Variants in PDE4D observed in about 807,000 individuals in gnomAD.
PDE4D encodes phosphodiesterase 4D.
In PDE4D, 24 loss-of-function variants were observed where a neutral mutation model predicts 87.4. The ratio of observed to expected loss-of-function variants is 0.27; its 90% CI spans 0.20 to 0.39. PDE4D has a LOEUF of 0.39. Among genes scored for constraint, PDE4D ranks in the 10% least tolerant of loss-of-function variants. The probability of loss-of-function intolerance (pLI) is 1.00; values close to 1 mark genes in which losing one functional copy is unlikely to be tolerated. For synonymous variants in PDE4D, 384 were observed against 383.2 expected (o/e 1.00, Z -0.02); for missense variants, 714 against 1,041.0 (o/e 0.69, Z 4.32).
At chr5:60,045,488 G>A (rs1245165990) in intron 2 of PDE4D, among the ~76,000 whole-genome samples, 1 of 152,106 alleles carries the variant, frequency 6.6e-6, no homozygotes, top group African/African-American at 2.4e-5. Flanking sequence ...GGGTTTTTAT[G>A]GTTTTAGGTC....
At chr5:58,993,108 T>G (rs1003925030) in intron 7 of PDE4D, among the ~76,000 whole-genome samples, 1 of 152,108 alleles carries the variant, frequency 6.6e-6, no homozygotes, top group Admixed American at 6.6e-5. Context: ...ATTTTACAGT[T>G]TGGTACTATG....
chr5:59,914,138 T>C (rs866026996), intron 3 of PDE4D, among the ~76,000 whole-genome samples: 1 of 152,156 alleles, frequency 6.6e-6, no homozygotes, highest in African/African-American at 2.4e-5. Flanking sequence ...TTAATACATA[T>C]GAATAACTAC....
chr5:59,963,862 T>C (rs1280495037), intron 3 of PDE4D, among the ~76,000 whole-genome samples: 2 of 152,164 alleles, frequency 1.3e-5, no homozygotes, highest in Non-Finnish European at 2.9e-5. Flanking sequence ...CCTCCTAGAC[T>C]GATGAAGGGA....
chr5:59,134,779 T>C (rs1776794312), intron 5 of PDE4D, among the ~76,000 whole-genome samples: 1 of 152,186 alleles, frequency 6.6e-6, no homozygotes, highest in Non-Finnish European at 1.5e-5. Flanking sequence ...GTGAGGGTGG[T>C]CTTCAACACC....
At chr5:60,250,961 C>A (rs892006896) in intron 1 of PDE4D, among the ~76,000 whole-genome samples, 22 of 151,852 alleles carry the variant, frequency 1.4e-4, no homozygotes, top group African/African-American at 5.3e-4. Flanking sequence ...ATTGTTGATA[C>A]TGACTCTATG....
At chr5:59,149,706 G>GTTTT (rs76421367) in intron 5 of PDE4D, among the ~76,000 whole-genome samples, 1,370 of 69,238 alleles carry the variant, frequency 0.02, 214 homozygotes, top group African/African-American at 0.054. Context: ...CTCTCCTCGA[G>GTTTT]TTTTTTTTTT....
At position 60,335,955 on chromosome 5, in the gene PDE4D, T is replaced by C. The variant is rs1583455516; in HGVS notation, c.-89-150268A>G. Among the ~76,000 whole-genome samples, 4 of 152,228 alleles carry C rather than the reference T, an allele frequency of 2.6e-5. No homozygotes were observed. The East Asian group carries it at 7.7e-4, about 29-fold the overall frequency. ...TTAAACTTGTGTCCCTTTACTGATA[T>C]TAAACTATTATCAAGCAGCTTAGCA... On this transcript the variant is annotated intron_variant, in intron 1 of 16. Coordinates refer to the PDE4D transcript ENST00000502484.
At chr5:59,973,497 C>T (rs967693255) in intron 3 of PDE4D, among the ~76,000 whole-genome samples, 1 of 26,338 alleles carries the variant, frequency 3.8e-5, no homozygotes, top group South Asian at 1.8e-3. Context: ...TACATTTTCA[C>T]TGTCATTCAT....
chr5:60,198,357 G>A (rs1741523174), intron 1 of PDE4D, among the ~76,000 whole-genome samples: 1 of 151,444 alleles, frequency 6.6e-6, no homozygotes, highest in Non-Finnish European at 1.5e-5. Flanking sequence ...TGTTGATTCG[G>A]AGAGATGAAG....
intron 2 of PDE4D, among the ~76,000 whole-genome samples, chr5:60,100,207 A>G (rs180778496): frequency 6.6e-6 from 1 of 152,172 alleles, no homozygotes; most frequent in Admixed American, 6.6e-5. Flanking sequence ...ATGTATATGT[A>G]TATTTGTGTT....
chr5:59,914,784 A>G (rs1753838197), intron 3 of PDE4D, among the ~76,000 whole-genome samples: 1 of 151,084 alleles, frequency 6.6e-6, no homozygotes, highest in African/African-American at 2.4e-5. Context: ...ATTAAGAAAG[A>G]TAACTGGCTT....
chr5:60,000,900 C>T (rs1763955789), intron 2 of PDE4D, among the ~76,000 whole-genome samples: 1 of 152,118 alleles, frequency 6.6e-6, no homozygotes, highest in South Asian at 2.1e-4. Context: ...CCTGTCAGGA[C>T]TCATTCCCAT....
chr5:59,766,183 T>C (rs1255334341), intron 1 of PDE4D, among the ~76,000 whole-genome samples: 1 of 152,224 alleles, frequency 6.6e-6, no homozygotes, highest in African/African-American at 2.4e-5. Context: ...TATGAACGTC[T>C]TGGGGCTCAT....
chr5:59,884,346 C>T (rs1749870103), intron 1 of PDE4D, among the ~76,000 whole-genome samples: 1 of 151,832 alleles, frequency 6.6e-6, no homozygotes, highest in African/African-American at 2.4e-5. Flanking sequence ...ACTATAGGCA[C>T]ACATGTACAT....
chr5:59,061,113 C>T (rs1763053936), intron 5 of PDE4D, among the ~76,000 whole-genome samples: 1 of 152,094 alleles, frequency 6.6e-6, no homozygotes, highest in African/African-American at 2.4e-5. Context: ...AATAGTCTCA[C>T]AAGAACACTA....
intron 5 of PDE4D, among the ~76,000 whole-genome samples, chr5:59,114,680 AAAAG>A (rs1773277193): frequency 1.3e-5 from 2 of 152,154 alleles, no homozygotes; most frequent in South Asian, 4.1e-4. Context: ...GGGGGAAAGG[AAAAG>A]AAAGAGTGTA....
chr5:59,824,426 G>A (rs943349234), intron 1 of PDE4D, among the ~76,000 whole-genome samples: 25 of 152,180 alleles, frequency 1.6e-4, no homozygotes, highest in South Asian at 4.2e-4. Flanking sequence ...GGACCTTTCC[G>A]GTCTTGTTCA....
intron 1 of PDE4D, among the ~76,000 whole-genome samples, chr5:60,393,601 A>T (rs1403494645): frequency 1.3e-5 from 2 of 152,350 alleles, no homozygotes; most frequent in East Asian, 3.9e-4. Context: ...GGACTTGGCA[A>T]TGTGAATTTT....
intron 1 of PDE4D, among the ~76,000 whole-genome samples, chr5:59,579,263 T>C (rs1245514717): frequency 6.6e-6 from 1 of 152,200 alleles, no homozygotes; most frequent in Admixed American, 6.5e-5. Context: ...CAGACTAGTT[T>C]ATGAGTATCT....
Sources: allele counts gnomAD v4.1 joint callset (sites outside exome capture counted in the v4.1 genomes callset), GRCh38; gene constraint gnomAD v4.1.1; transcripts MANE v1.5; gene names NCBI Gene and HGNC (gene_info 2026-07-23, HGNC 2026-07-21).